Variants in MAP3K13 observed in about 807,000 individuals in gnomAD.
The protein encoded by MAP3K13 is mitogen-activated protein kinase kinase kinase 13, also known as leucine zipper-bearing kinase.
In MAP3K13, 52 loss-of-function variants were observed where a neutral mutation model predicts 104.0. The ratio of observed to expected loss-of-function variants is 0.50; its 90% confidence interval spans 0.40 to 0.63. MAP3K13 has a LOEUF of 0.63. MAP3K13 is among the 20% of genes least tolerant of loss of function. The pLI is 0.00. For synonymous variants in MAP3K13, 394 were observed against 442.2 expected (o/e 0.89, Z 1.37); for missense variants, 914 against 1,218.5 (o/e 0.75, Z 3.72).
intron 11 of MAP3K13, chr3:185,477,076 G>A (rs1284116960): frequency 4.9e-6 from 3 of 613,630 alleles, no homozygotes; most frequent in South Asian, 3.0e-5. Context: ...TCACCTCTCT[G>A]AGGACAAAGA....
chr3:185,352,366 C>T (rs1231659526), intron 2 of MAP3K13, among the ~76,000 whole-genome samples: 1 of 152,050 alleles, frequency 6.6e-6, no homozygotes, highest in Admixed American at 6.6e-5. Context: ...ATCACTTGAA[C>T]CCAGGAGGCA....
chr3:185,400,800 T>G (rs1284051215), intron 1 of MAP3K13, among the ~76,000 whole-genome samples: 1 of 141,712 alleles, frequency 7.1e-6, no homozygotes, highest in African/African-American at 2.8e-5. Flanking sequence ...CTTATAAGGC[T>G]GCTAGGTGTT....
chr3:185,353,899 C>T (rs770055455), intron 2 of MAP3K13, among the ~76,000 whole-genome samples: 4 of 152,224 alleles, frequency 2.6e-5, no homozygotes, highest in East Asian at 3.9e-4. Context: ...ACCCCGCCCC[C>T]GCCAACCCCA....
intron 1 of MAP3K13, among the ~76,000 whole-genome samples, chr3:185,396,016 T>C (rs1206512706): frequency 1.3e-5 from 2 of 152,066 alleles, no homozygotes; most frequent in Non-Finnish European, 2.9e-5. Context: ...CAATTTGAGA[T>C]TATTACTGGT....
chr3:185,419,482 G>T (rs1713998753), intron 1 of MAP3K13, among the ~76,000 whole-genome samples: 1 of 152,122 alleles, frequency 6.6e-6, no homozygotes, highest in Non-Finnish European at 1.5e-5. Flanking sequence ...AACAAATAAT[G>T]CATGCTAATG....
At chr3:185,376,357 T>C (rs1007408457) in intron 1 of MAP3K13, among the ~76,000 whole-genome samples, 2 of 152,034 alleles carry the variant, frequency 1.3e-5, no homozygotes, top group Non-Finnish European at 2.9e-5. Context: ...GAGTTGAGCA[T>C]AGTTTGTGAT....
At chr3:185,302,842 A>C (rs993935107) in intron 2 of MAP3K13, among the ~76,000 whole-genome samples, 7 of 152,132 alleles carry the variant, frequency 4.6e-5, no homozygotes, top group Non-Finnish European at 8.8e-5. Flanking sequence ...TTCTTGTATA[A>C]TTGCCCTGGC....
chr3:185,348,958 G>A (rs1723037522), intron 2 of MAP3K13, among the ~76,000 whole-genome samples: 1 of 150,186 alleles, frequency 6.7e-6, no homozygotes, highest in Non-Finnish European at 1.5e-5. Context: ...TAAAAGATAG[G>A]CCTAGTGGTT....
At chr3:185,292,620 A>G in intron 2 of MAP3K13, 1 of 982,568 alleles carries the variant, frequency 1.0e-6, no homozygotes, top group Non-Finnish European at 1.2e-6. Context: ...TATAATACAG[A>G]CAAAGGGTCC....
chr3:185,404,967 C>T (rs1357906658), intron 1 of MAP3K13, among the ~76,000 whole-genome samples: 1 of 152,190 alleles, frequency 6.6e-6, no homozygotes, highest in African/African-American at 2.4e-5. Flanking sequence ...TTAGTTTGTA[C>T]TGGCCCTGCA....
intron 2 of MAP3K13, among the ~76,000 whole-genome samples, chr3:185,285,794 A>G (rs1216599873): frequency 6.6e-6 from 1 of 152,202 alleles, no homozygotes; most frequent in Non-Finnish European, 1.5e-5. Context: ...TTTTGTATAT[A>G]TGAAGCAATT....
At chr3:185,404,587 AT>A (rs553576923) in intron 1 of MAP3K13, among the ~76,000 whole-genome samples, 1 of 151,984 alleles carries the variant, frequency 6.6e-6, no homozygotes, top group Admixed American at 6.6e-5. Context: ...TTTTTTAAAA[AT>A]TTTTTCAAGA....
intron 7 of MAP3K13, among the ~76,000 whole-genome samples, chr3:185,454,302 CATAT>C (rs199966524): frequency 1.2e-5 from 1 of 84,336 alleles, no homozygotes; most frequent in African/African-American, 5.2e-5. Flanking sequence ...AGATATATAT[CATAT>C]ATATATGAGA....
At chr3:185,392,782 C>G (rs1378900637) in intron 1 of MAP3K13, among the ~76,000 whole-genome samples, 1 of 152,082 alleles carries the variant, frequency 6.6e-6, no homozygotes, top group Non-Finnish European at 1.5e-5. Context: ...GGTGTGGTGG[C>G]TCATGCTTGT....
intron 10 of MAP3K13, among the ~76,000 whole-genome samples, chr3:185,469,169 G>A (rs1204114602): frequency 2.0e-5 from 3 of 152,144 alleles, no homozygotes; most frequent in Non-Finnish European, 4.4e-5. Flanking sequence ...AATTAGAGAG[G>A]AGAAACCATT....
At chr3:185,408,881 G>T (rs961416297) in intron 1 of MAP3K13, among the ~76,000 whole-genome samples, 7 of 152,154 alleles carry the variant, frequency 4.6e-5, no homozygotes, top group East Asian at 1.9e-4. Flanking sequence ...CTAATGGGAG[G>T]TTAGTCATGA....
upstream of MAP3K13, among the ~76,000 whole-genome samples, chr3:185,362,501 T>C (rs960721773): frequency 6.6e-6 from 1 of 152,180 alleles, no homozygotes; most frequent in Non-Finnish European, 1.5e-5. Context: ...AAATTTTTCT[T>C]CCATATCCAC....
At chr3:185,443,298 A>G (rs982697481) in intron 3 of MAP3K13, 147 bp from the exon 4 acceptor site, 4 of 586,396 alleles carry the variant, frequency 6.8e-6, no homozygotes, top group African/African-American at 3.7e-5. Context: ...AGAAGTTTCC[A>G]TGCTAATTTG....
intron 2 of MAP3K13, among the ~76,000 whole-genome samples, chr3:185,433,901 A>G (rs1322895798): frequency 6.6e-6 from 1 of 152,218 alleles, no homozygotes; most frequent in Admixed American, 6.5e-5. Flanking sequence ...ATAGTGAGTT[A>G]CAATGTAAGT....
Sources: allele counts gnomAD v4.1 joint callset (sites outside exome capture counted in the v4.1 genomes callset), GRCh38; gene constraint gnomAD v4.1.1; transcripts MANE v1.5; gene names NCBI Gene and HGNC (gene_info 2026-07-23, HGNC 2026-07-21).